The following CYP2C19 variants were observed in gnomAD, a reference collection of about 807,000 sequenced individuals.
CYP2C19 encodes cytochrome P450 family 2 subfamily C member 19.
In CYP2C19, 59 loss-of-function variants were observed where a neutral mutation model predicts 40.9. The ratio of observed to expected loss-of-function variants is 1.44; its 90% CI spans 1.17 to 1.79. CYP2C19 has a LOEUF of 1.79. Ranked by LOEUF, CYP2C19 falls within the 40% of genes most tolerant of loss-of-function variation. The pLI is 0.00. For synonymous variants in CYP2C19, 253 were observed against 208.7 expected, an observed-to-expected ratio of 1.21 and a Z score of -1.83; for missense variants, 754 against 596.9, an observed-to-expected ratio of 1.26 and a Z score of -2.74.
intron 5 of CYP2C19, among the ~76,000 whole-genome samples, chr10:94,792,723 G>C (rs1232401657): frequency 6.6e-6 from 1 of 152,248 alleles, no homozygotes; most frequent in African/African-American, 2.4e-5. Flanking sequence ...TGAGAGATCC[G>C]CTGTTAGTCT....
At chr10:94,788,869 G>A (rs902011563) in intron 5 of CYP2C19, among the ~76,000 whole-genome samples, 1 of 152,134 alleles carries the variant, frequency 6.6e-6, no homozygotes, top group Non-Finnish European at 1.5e-5. Context: ...ACCCAGTAAT[G>A]GGATTGCTGG....
intron 5 of CYP2C19, among the ~76,000 whole-genome samples, chr10:94,810,075 T>A (rs1427049425): frequency 1.3e-5 from 2 of 152,086 alleles, no homozygotes; most frequent in Non-Finnish European, 2.9e-5. Context: ...AGAGACTGAG[T>A]TTCACCATGT....
At chr10:94,847,711 C>G (rs1329166173) in intron 7 of CYP2C19, among the ~76,000 whole-genome samples, 1 of 152,164 alleles carries the variant, frequency 6.6e-6, no homozygotes, top group African/African-American at 2.4e-5. Context: ...AAAACTGTTC[C>G]TATTTCTCCA....
intron 7 of CYP2C19, among the ~76,000 whole-genome samples, chr10:94,845,206 T>A (rs1849554925): frequency 6.6e-6 from 1 of 152,196 alleles, no homozygotes. Context: ...ATGGGCCAGA[T>A]AGTAAATATT....
At position 94,854,420 on chromosome 10, in the gene CYP2C19, T is replaced by C. The variant is rs1220177993; in HGVS notation, c.*1506T>C. On this transcript the variant is annotated 3_prime_UTR_variant, in exon 9 of 9. Transcript: ENST00000371321. ...GTGGGATGATAATTTTATGCTATTG[T>C]CCTAATATAATTAGCCTCATGTCAT... Among the ~76,000 whole-genome samples the C allele has an allele frequency of 1.3e-5, 2 of 152,128 alleles. No individual in the cohort carries two copies. The highest frequency in any genetic ancestry group is 4.8e-5 in the African/African-American group (2 of 41,428).
At chr10:94,841,316 C>A (rs1312551299) in intron 6 of CYP2C19, among the ~76,000 whole-genome samples, 1 of 152,170 alleles carries the variant, frequency 6.6e-6, no homozygotes, top group Non-Finnish European at 1.5e-5. Context: ...GGCAATGGGA[C>A]CCTCACTGGA....
chr10:94,836,407 GTT>G (rs1374880954), intron 6 of CYP2C19, among the ~76,000 whole-genome samples: 3 of 151,816 alleles, frequency 2.0e-5, no homozygotes, highest in Non-Finnish European at 4.4e-5. Context: ...TTTTTTCTGT[GTT>G]ATATAAAGAA....
At chr10:94,821,930 A>G (rs1849128896) in intron 6 of CYP2C19, among the ~76,000 whole-genome samples, 1 of 152,086 alleles carries the variant, frequency 6.6e-6, no homozygotes, top group Admixed American at 6.6e-5. Context: ...TCTCCAACCC[A>G]CATCCCTTCT....
intron 3 of CYP2C19, chr10:94,775,996 G>T: frequency 5.4e-6 from 1 of 185,608 alleles, no homozygotes. Context: ...ATGTTTGTAT[G>T]GTCAGCCTCA....
intron 1 of CYP2C19, chr10:94,774,814 T>G: frequency 3.9e-6 from 2 of 508,218 alleles, no homozygotes; most frequent in Non-Finnish European, 3.5e-6. Context: ...CTGCTGAATA[T>G]GTTGGTGTGA....
intron 5 of CYP2C19, among the ~76,000 whole-genome samples, chr10:94,810,976 G>C (rs1264405068): frequency 1.3e-5 from 2 of 152,094 alleles, no homozygotes. Flanking sequence ...TGTGATGTTA[G>C]GGTGTTGATT....
At chr10:94,843,083 A>G in intron 7 of CYP2C19, 59 bp downstream of exon 7, 1 of 1,592,638 alleles carries the variant, frequency 6.3e-7, no homozygotes, top group South Asian at 1.1e-5. Flanking sequence ...AATTCACAGT[A>G]TGATTCTTAC....
chr10:94,775,866 C>G (rs1308403147), intron 3 of CYP2C19: 1 of 383,472 alleles, frequency 2.6e-6, no homozygotes, highest in Non-Finnish European at 4.8e-6. Flanking sequence ...GTGTTTTTCC[C>G]ATTATCTATT....
rs574304273 is a variant in CYP2C19, at chr10:94,783,913, A to AATTCACAC, written c.819+1918_819+1925dup. On this transcript the variant is annotated intron_variant, in intron 5 of 8. Coordinates refer to ENST00000371321, the MANE Select transcript of CYP2C19 (RefSeq NM_000769.4). ...TATGCCATTTTAAAAATTGAAGTAA[A>AATTCACAC]ATTCACACAACATACAATTAACCAG... Among the ~76,000 whole-genome samples, 14 of 152,290 alleles carry AATTCACAC rather than the reference A, an allele frequency of 9.2e-5. No homozygotes were observed. The East Asian group carries it at 2.7e-3, about 29-fold the overall frequency.
chr10:94,794,531 A>T (rs9664361), intron 5 of CYP2C19, among the ~76,000 whole-genome samples: 73,747 of 151,978 alleles, frequency 0.49, 18,889 homozygotes, highest in African/African-American at 0.64. Flanking sequence ...TTCCTATCCA[A>T]GAGCATGGAA....
intron 5 of CYP2C19, among the ~76,000 whole-genome samples, chr10:94,806,635 A>G (rs1848839903): frequency 2.7e-5 from 4 of 148,068 alleles, no homozygotes; most frequent in Admixed American, 2.7e-4. Flanking sequence ...TATAAATATT[A>G]CAAATTATAA....
intron 5 of CYP2C19, among the ~76,000 whole-genome samples, chr10:94,792,837 G>T (rs1024251512): frequency 1.3e-5 from 2 of 152,074 alleles, no homozygotes; most frequent in African/African-American, 2.4e-5. Context: ...GTGTCATGGG[G>T]TTGCTCTTCT....
chr10:94,771,595 AATTG>A (rs1305549458), intron 1 of CYP2C19, among the ~76,000 whole-genome samples: 1 of 152,024 alleles, frequency 6.6e-6, no homozygotes, highest in African/African-American at 2.4e-5. Flanking sequence ...TTGTGAGTCA[AATTG>A]GTCCCAATGG....
chr10:94,785,793 G>T (rs1299901961), intron 5 of CYP2C19, among the ~76,000 whole-genome samples: 1 of 152,130 alleles, frequency 6.6e-6, no homozygotes, highest in Non-Finnish European at 1.5e-5. Flanking sequence ...AGAACTACCT[G>T]TGACTAGGCA....
Sources: allele counts gnomAD v4.1 joint callset (sites outside exome capture counted in the v4.1 genomes callset), GRCh38; gene constraint gnomAD v4.1.1; transcripts MANE v1.5; gene names NCBI Gene and HGNC (gene_info 2026-07-23, HGNC 2026-07-21).